Variants in SCMH1 observed in about 807,000 individuals in gnomAD.
SCMH1 encodes polycomb protein SCMH1.
A neutral mutation model predicts 70.8 loss-of-function variants in SCMH1; 37 were observed. That is an observed-to-expected ratio of 0.52 (90% confidence interval 0.40 to 0.69). SCMH1 has a LOEUF of 0.69. Among genes scored for constraint, SCMH1 ranks in the 30% least tolerant of loss-of-function variants. The pLI is 0.00. For synonymous variants in SCMH1, 292 were observed against 307.4 expected (o/e 0.95, Z 0.52); for missense variants, 607 against 827.3 (o/e 0.73, Z 3.27).
chr1:41,117,565 AG>A (rs2147909452), intron 6 of SCMH1, among the ~76,000 whole-genome samples: 1 of 150,912 alleles, frequency 6.6e-6, no homozygotes, highest in Non-Finnish European at 1.5e-5. Flanking sequence ...GCCTGACGTC[AG>A]TCAGGCCCGC....
rs560452938 is a variant in SCMH1, at chr1:41,182,256, G to A, written c.13+3865C>T. 8.5e-5 allele frequency among the ~76,000 whole-genome samples: 13 copies of A among 152,216 alleles called. No individual in the cohort carries two copies. In the East Asian group the frequency reaches 1.2e-3, roughly 14 times the overall value. On this transcript the variant is annotated intron_variant, in intron 2 of 14. Transcript: ENST00000337495. The stretch of plus-strand genomic sequence containing the variant: ...GGAGATATACCTAATGTTGAATGAC[G>A]AGTTAATGGGTGCAGCACACCAACA...
intron 1 of SCMH1, among the ~76,000 whole-genome samples, chr1:41,192,716 A>T (rs989938244): frequency 7.2e-5 from 11 of 152,116 alleles, no homozygotes; most frequent in Non-Finnish European, 1.5e-4. Context: ...CATTCTTGAC[A>T]TTTAATCTCT....
intron 13 of SCMH1, among the ~76,000 whole-genome samples, chr1:41,031,800 G>A (rs1243755725): frequency 6.6e-6 from 1 of 152,146 alleles, no homozygotes; most frequent in East Asian, 1.9e-4. Flanking sequence ...TCAGAGGCTA[G>A]ATACCATATA....
chr1:41,074,820 GCC>G (rs1030115399), intron 9 of SCMH1, among the ~76,000 whole-genome samples: 23 of 152,166 alleles, frequency 1.5e-4, no homozygotes, highest in Non-Finnish European at 2.9e-4. Context: ...GGCCAGATGT[GCC>G]CCTTTCCAAG....
At chr1:41,162,103 C>G (rs904063663) in intron 2 of SCMH1, among the ~76,000 whole-genome samples, 1 of 152,142 alleles carries the variant, frequency 6.6e-6, no homozygotes, top group Non-Finnish European at 1.5e-5. Context: ...CTCCATGGAA[C>G]AGGCAGGAGC....
chr1:41,130,071 C>G (rs1262041408), intron 6 of SCMH1, among the ~76,000 whole-genome samples: 1 of 152,088 alleles, frequency 6.6e-6, no homozygotes, highest in Non-Finnish European at 1.5e-5. Flanking sequence ...TTGTAGTTCC[C>G]TAATGATTAG....
exon 6 of SCMH1, chr1:41,143,001 G>A (rs747507182): frequency 6.2e-6 from 10 of 1,614,094 alleles, no homozygotes; most frequent in Admixed American, 3.3e-5. Flanking sequence ...AGGCGAAGGC[G>A]GGCACCTGTC....
intron 6 of SCMH1, among the ~76,000 whole-genome samples, chr1:41,131,042 A>AT (rs927243280): frequency 1.3e-5 from 2 of 152,162 alleles, no homozygotes; most frequent in African/African-American, 4.8e-5. Flanking sequence ...TAGCTCTTAC[A>AT]TTTAGGTCCA....
At chr1:41,179,779 A>T (rs1202137266) in intron 2 of SCMH1, among the ~76,000 whole-genome samples, 1 of 152,250 alleles carries the variant, frequency 6.6e-6, no homozygotes, top group Non-Finnish European at 1.5e-5. Context: ...GAATTCTACC[A>T]GATGTACAAG....
In SCMH1 at chr1:41,048,898, A is replaced by G; in HGVS notation, c.1106-8T>C. 6.2e-7 allele frequency: 1 copy of G among 1,603,804 alleles called. No individual in the cohort carries two copies. The highest frequency in any genetic ancestry group is 8.5e-7 in the Non-Finnish European group (1 of 1,175,076). On this transcript the variant is annotated splice_polypyrimidine_tract_variant and splice_region_variant and intron_variant, in intron 10 of 14. Transcript: ENST00000337495. ...TGTTCAAGTAGATACAAACTATGGG[A>G]GACAAAGAATCAAAGAAGCTTCAAG...
At chr1:41,065,179 G>A (rs1654152455) in intron 10 of SCMH1, among the ~76,000 whole-genome samples, 1 of 152,120 alleles carries the variant, frequency 6.6e-6, no homozygotes, top group Non-Finnish European at 1.5e-5. Context: ...AATTTATTTT[G>A]TAGACAGCAA....
intron 4 of SCMH1, chr1:41,159,805 TTTAGAG>T: frequency 6.8e-7 from 1 of 1,479,952 alleles, no homozygotes; most frequent in Non-Finnish European, 9.0e-7. Context: ...AGATTTGACT[TTTAGAG>T]TAAAGTCTGA....
intron 4 of SCMH1, chr1:41,159,870 A>G: frequency 7.8e-7 from 1 of 1,286,322 alleles, no homozygotes; most frequent in Non-Finnish European, 1.0e-6. Context: ...CCAAAGTTGA[A>G]AAGTATTTGA....
chr1:41,078,199 A>C (rs1658949768), intron 8 of SCMH1, among the ~76,000 whole-genome samples: 1 of 152,162 alleles, frequency 6.6e-6, no homozygotes, highest in Non-Finnish European at 1.5e-5. Context: ...TCCAAAATAA[A>C]GTACAGTGAG....
At chr1:41,206,424 C>T (rs1655556246) in intron 1 of SCMH1, among the ~76,000 whole-genome samples, 1 of 151,994 alleles carries the variant, frequency 6.6e-6, no homozygotes, top group African/African-American at 2.4e-5. Flanking sequence ...GCCGATTTGA[C>T]CAAGTGGAAG....
intron 10 of SCMH1, among the ~76,000 whole-genome samples, chr1:41,063,578 C>CA (rs1352791398): frequency 1.3e-4 from 20 of 150,374 alleles, no homozygotes; most frequent in East Asian, 5.9e-4. Context: ...AACAAACAAA[C>CA]AAACAAAAAA....
chr1:41,097,414 C>A (rs3819842), intron 8 of SCMH1, among the ~76,000 whole-genome samples: 1 of 151,972 alleles, frequency 6.6e-6, no homozygotes, highest in Non-Finnish European at 1.5e-5. Flanking sequence ...TAAAGGAATG[C>A]GGCTCAAAAA....
intron 6 of SCMH1, among the ~76,000 whole-genome samples, chr1:41,136,670 C>T (rs763002188): frequency 2.2e-4 from 33 of 151,934 alleles, no homozygotes; most frequent in Non-Finnish European, 3.4e-4. Context: ...TTGTGCCCGG[C>T]CATTTCTTAT....
chr1:41,197,821 C>T (rs1433682467), intron 1 of SCMH1, among the ~76,000 whole-genome samples: 1 of 152,184 alleles, frequency 6.6e-6, no homozygotes, highest in Non-Finnish European at 1.5e-5. Flanking sequence ...CACAGAATTC[C>T]TTTTCCTGGG....
Sources: gnomAD v4.1 joint callset for allele counts (sites outside exome capture counted in the v4.1 genomes callset) on GRCh38, gnomAD v4.1.1 for gene constraint, MANE v1.5 for transcripts, NCBI Gene and HGNC (gene_info 2026-07-23, HGNC 2026-07-21) for gene names.